ZNF609: variants seen among roughly 807,000 people sequenced by gnomAD.
The protein encoded by ZNF609 is zinc finger protein 609.
In ZNF609, 11 loss-of-function variants were observed where a neutral mutation model predicts 109.5. The ratio of observed to expected loss-of-function variants is 0.10; its 90% confidence interval spans 0.06 to 0.17. The LOEUF (loss-of-function observed/expected upper bound fraction) is 0.17. Ranked by LOEUF, ZNF609 falls within the 10% of genes least tolerant of loss-of-function variation. The pLI is 1.00. For missense variants in ZNF609, 1,559 were observed against 1,772.4 expected, an observed-to-expected ratio of 0.88 and a Z score of 2.16; for synonymous variants, 646 against 662.0, an observed-to-expected ratio of 0.98 and a Z score of 0.37.
At chr15:64,662,882 G>C (rs1240529174) in intron 3 of ZNF609, among the ~76,000 whole-genome samples, 1 of 151,164 alleles carries the variant, frequency 6.6e-6, no homozygotes, top group East Asian at 2.0e-4. Flanking sequence ...GACCAGGCTG[G>C]TCTTGAACTC....
At position 64,473,191 on chromosome 15, in the gene ZNF609, C is replaced by CTTTTTTTTTTTTTTTT. The variant is rs951319279; in HGVS notation, c.-128+12362_-128+12377dup. On this transcript the variant is annotated intron_variant, in intron 1 of 9. Coordinates refer to ENST00000326648, the MANE Select transcript of ZNF609 (RefSeq NM_015042.2). ...TAAAACTTTTGACTCATATTTGGTT[C>CTTTTTTTTTTTTTTTT]TTTTTTTTTTTTTTTTTTTTTTTTG... Among the ~76,000 whole-genome samples the CTTTTTTTTTTTTTTTT allele has an allele frequency of 3.0e-4, 23 of 76,070 alleles. 2 individuals are homozygous for CTTTTTTTTTTTTTTTT. The highest frequency in any genetic ancestry group is 1.5e-3 in the African/African-American group (23 of 15,368). The allele number at this position is 76,070 out of a possible 152,430, so 49.9% of individuals were successfully genotyped here.
At chr15:64,577,988 C>G (rs1043626694) in intron 2 of ZNF609, among the ~76,000 whole-genome samples, 24 of 151,706 alleles carry the variant, frequency 1.6e-4, no homozygotes, top group South Asian at 4.2e-4. Flanking sequence ...AACCCACCCC[C>G]CTTCCCTGCA....
At chr15:64,633,910 T>A (rs1287395207) in intron 3 of ZNF609, among the ~76,000 whole-genome samples, 3 of 151,222 alleles carry the variant, frequency 2.0e-5, no homozygotes, top group African/African-American at 4.9e-5. Flanking sequence ...AAAAAAAAAA[T>A]GTTTACCAAT....
At chr15:64,541,756 C>T (rs1894267025) in intron 2 of ZNF609, among the ~76,000 whole-genome samples, 2 of 141,716 alleles carry the variant, frequency 1.4e-5, no homozygotes, top group African/African-American at 5.3e-5. Flanking sequence ...AGGAGAATGG[C>T]GTGAACCCGG....
intron 2 of ZNF609, among the ~76,000 whole-genome samples, chr15:64,569,951 C>G (rs1052217023): frequency 6.6e-6 from 1 of 152,132 alleles, no homozygotes; most frequent in South Asian, 2.1e-4. Flanking sequence ...ATTTATTGCT[C>G]TTGCACTGTG....
intron 1 of ZNF609, among the ~76,000 whole-genome samples, chr15:64,478,888 A>G (rs547529857): frequency 6.6e-6 from 1 of 152,334 alleles, no homozygotes; most frequent in East Asian, 1.9e-4. Context: ...TGTGAATTTT[A>G]AAGCCAGCAG....
At chr15:64,576,021 G>A (rs1453402329) in intron 2 of ZNF609, among the ~76,000 whole-genome samples, 3 of 152,054 alleles carry the variant, frequency 2.0e-5, no homozygotes, top group South Asian at 2.1e-4. Context: ...AGAATGGCAC[G>A]AACCTGGGAG....
chr15:64,534,337 A>G (rs1465296667), intron 2 of ZNF609, among the ~76,000 whole-genome samples: 1 of 136,340 alleles, frequency 7.3e-6, no homozygotes, highest in Admixed American at 7.5e-5. Flanking sequence ...TTTAAGATAG[A>G]GTCTCGCTCT....
At chr15:64,550,839 G>GAA (rs35566414) in intron 2 of ZNF609, among the ~76,000 whole-genome samples, 13 of 75,328 alleles carry the variant, frequency 1.7e-4, no homozygotes, top group Non-Finnish European at 1.9e-4. Flanking sequence ...TCTGTCTCGG[G>GAA]AAAAAAAAAA....
At chr15:64,639,856 T>C (rs1037692676) in intron 3 of ZNF609, among the ~76,000 whole-genome samples, 4 of 152,150 alleles carry the variant, frequency 2.6e-5, no homozygotes, top group Non-Finnish European at 5.9e-5. Context: ...CCAAAGTCAG[T>C]CTGAGCAGAT....
intron 1 of ZNF609, among the ~76,000 whole-genome samples, chr15:64,472,960 A>G (rs1893111561): frequency 6.6e-6 from 1 of 152,206 alleles, no homozygotes. Flanking sequence ...CTTCTAGAGC[A>G]GAGTTCTAAA....
chr15:64,493,553 C>T (rs1893443756), intron 1 of ZNF609, among the ~76,000 whole-genome samples: 1 of 152,044 alleles, frequency 6.6e-6, no homozygotes, highest in African/African-American at 2.4e-5. Context: ...ATCCATGTAG[C>T]AAGGAATTTC....
intron 1 of ZNF609, among the ~76,000 whole-genome samples, chr15:64,490,197 G>A (rs1170763700): frequency 6.6e-6 from 1 of 150,802 alleles, no homozygotes; most frequent in Non-Finnish European, 1.5e-5. Flanking sequence ...TCCTGGGCTC[G>A]AGTAATCCTC....
intron 2 of ZNF609, chr15:64,593,401 TA>T: frequency 1.3e-6 from 1 of 745,758 alleles, no homozygotes; most frequent in Non-Finnish European, 2.3e-6. Flanking sequence ...CTTAAATAAA[TA>T]AATAAAAATA....
chr15:64,631,305 C>T lies in ZNF609; in HGVS notation c.973+8253C>T, dbSNP rs1231689337. On this transcript the variant is annotated intron_variant, in intron 3 of 9. Transcript: ENST00000326648. ...TATCTTGGCTTTTAGAGAGTGAGTG[C>T]TTAATGTGCTGAATACACACATTAA... 12 of 675,752 alleles carry T rather than the reference C, an allele frequency of 1.8e-5. No individual in the cohort carries two copies. In the Admixed American group the frequency reaches 2.2e-4, roughly 12 times the overall value. The allele number at this position is 675,752 out of a possible 1,614,324, so 41.9% of individuals were successfully genotyped here. A position where few individuals can be genotyped will look rare whatever the true frequency, so the allele number is the denominator to read the frequency against.
At position 64,674,856 on chromosome 15, in the gene ZNF609, A is replaced by G. The variant is rs1384739868; in HGVS notation, c.2002A>G (p.Ile668Val). ...PIAPAIPPQQIYTFQTATFTA... is the reference protein window; with the variant it reads ...PIAPAIPPQQVYTFQTATFTA... ...TGCCCCTGCCATCCCCCCACAGCAA[A>G]TCTACACCTTCCAGACAGCCACCTT... The change falls in exon 5 of 10, where the codon ATC (isoleucine) becomes GTC (valine). Residue 668 changes from isoleucine to valine, a missense_variant. Physicochemically the swap from Ile to Val is conservative, Grantham distance 29. Transcript: ENST00000326648. 8 of 1,613,936 alleles carry G rather than the reference A, an allele frequency of 5.0e-6. No individual in the cohort carries two copies. Among genetic ancestry groups the G allele is most frequent in the Non-Finnish European group, 6.8e-6 (8 of 1,180,026 alleles).
At chr15:64,673,196 C>T (rs1896761922) in intron 4 of ZNF609, among the ~76,000 whole-genome samples, 1 of 152,258 alleles carries the variant, frequency 6.6e-6, no homozygotes, top group African/African-American at 2.4e-5. Context: ...ACAAAATTTG[C>T]CTCTTTTCTG....
At chr15:64,587,253 T>G (rs1418487918) in intron 2 of ZNF609, among the ~76,000 whole-genome samples, 1 of 152,212 alleles carries the variant, frequency 6.6e-6, no homozygotes, top group Non-Finnish European at 1.5e-5. Flanking sequence ...TCTTTGTACA[T>G]CTCAGTGTCG....
chr15:64,650,373 C>T (rs997619191), intron 3 of ZNF609, among the ~76,000 whole-genome samples: 2 of 148,536 alleles, frequency 1.3e-5, no homozygotes, highest in African/African-American at 5.0e-5. Flanking sequence ...GCCAAGATCT[C>T]ACCACTGCAC....
Sources: allele counts gnomAD v4.1 joint callset (sites outside exome capture counted in the v4.1 genomes callset), GRCh38; gene constraint gnomAD v4.1.1; transcripts MANE v1.5; gene names NCBI Gene and HGNC (gene_info 2026-07-23, HGNC 2026-07-21).